TEF: variants seen among roughly 807,000 people sequenced by gnomAD.
TEF encodes TEF transcription factor, PAR bZIP family member, also known as thyrotroph embryonic factor.
TEF carries 3 observed loss-of-function variants against 20.8 expected under a neutral mutation model. The observed-to-expected ratio is 0.14, with a 90% CI of 0.07 to 0.37. The LOEUF (loss-of-function observed/expected upper bound fraction) is 0.37, where lower values mean the gene tolerates loss of function less well. Ranked by LOEUF, TEF falls within the 10% of genes least tolerant of loss-of-function variation. The probability of loss-of-function intolerance (pLI) is 1.00; values close to 1 mark genes in which losing one functional copy is unlikely to be tolerated. For synonymous variants in TEF, 180 were observed against 171.1 expected, an observed-to-expected ratio of 1.05 and a Z score of -0.41; for missense variants, 296 against 397.9, an observed-to-expected ratio of 0.74 and a Z score of 2.18.
At chr22:41,371,196 C>T (rs2036878875) in intron 1 of TEF, among the ~76,000 whole-genome samples, 1 of 152,206 alleles carries the variant, frequency 6.6e-6, no homozygotes, top group Non-Finnish European at 1.5e-5. Flanking sequence ...CATTTTATAC[C>T]CTATACTTCC....
Position 41,397,273 on chromosome 22 carries a change from C to T in TEF, c.*1313C>T. 5.0e-6 allele frequency: 2 copies of T among 397,182 alleles called. No individual in the cohort carries two copies. Among genetic ancestry groups the T allele is most frequent in the South Asian group, 1.4e-4 (1 of 6,998 alleles). 24.6% of individuals were successfully genotyped at this position (397,182 alleles called of 1,614,324 possible). A position where few individuals can be genotyped will look rare whatever the true frequency, so the allele number is the denominator to read the frequency against. On this transcript the variant is annotated 3_prime_UTR_variant, in exon 4 of 4. Coordinates refer to ENST00000266304, the MANE Select transcript of TEF (RefSeq NM_003216.4). The stretch of plus-strand genomic sequence containing the variant: ...TGGCTTCTCACAGCTGTGGTCTCCC[C>T]TGCCTCACAACGACTCCTTTCTCTT...
exon 1 of TEF, chr22:41,367,485 C>G: frequency 6.5e-7 from 1 of 1,538,366 alleles, no homozygotes; most frequent in East Asian, 2.5e-5. Context: ...GAGCAAGCAC[C>G]TCCTGCTGGG....
At chr22:41,369,435 G>A (rs2036854852) in intron 1 of TEF, among the ~76,000 whole-genome samples, 1 of 152,124 alleles carries the variant, frequency 6.6e-6, no homozygotes, top group Non-Finnish European at 1.5e-5. Flanking sequence ...CACTTCATGT[G>A]GCATCTCACT....
chr22:41,375,008 CA>C (rs2036923509), intron 1 of TEF, among the ~76,000 whole-genome samples: 1 of 152,160 alleles, frequency 6.6e-6, no homozygotes, highest in Non-Finnish European at 1.5e-5. Flanking sequence ...GAGTCAGCCC[CA>C]GGGGGTCTGG....
intron 1 of TEF, among the ~76,000 whole-genome samples, chr22:41,375,191 T>C (rs1018583345): frequency 6.6e-6 from 1 of 152,136 alleles, no homozygotes; most frequent in African/African-American, 2.4e-5. Context: ...GCGGACAGAA[T>C]GCAAGACAAA....
In TEF at chr22:41,395,903, G is replaced by A; in HGVS notation, c.855G>A (p.Glu285=). Residue 285 remains glutamate (E), a synonymous_variant, in exon 4 of 4, where the codon GAG becomes GAA. Coordinates refer to ENST00000266304, the MANE Select transcript of TEF (RefSeq NM_003216.4). ...CGGAGGTGGCCGAGCTACGCAAGGAGGTGGGCAAGTGCAAGACCATCGTGT... is the reference window on the plus strand; with the variant it reads ...CGGAGGTGGCCGAGCTACGCAAGGAAGTGGGCAAGTGCAAGACCATCGTGT... ...LRTEVAELRK[E]VGKCKTIVSK... 6.2e-7 allele frequency: 1 copy of A among 1,614,182 alleles called. No individual in the cohort carries two copies. The highest frequency in any genetic ancestry group is 1.1e-5 in the South Asian group (1 of 91,090).
At chr22:41,376,985 T>C (rs201057384), upstream of TEF, among the ~76,000 whole-genome samples, 1 of 152,156 alleles carries the variant, frequency 6.6e-6, no homozygotes, top group Non-Finnish European at 1.5e-5. Context: ...AAGAAACCAG[T>C]GTGGTCTTGT....
chr22:41,381,806 C>A, upstream of TEF: 1 of 1,061,900 alleles, frequency 9.4e-7, no homozygotes. Context: ...TCTGCGCCTG[C>A]CCCTCTCGCA....
intron 2 of TEF, among the ~76,000 whole-genome samples, chr22:41,389,093 A>C (rs1601822748): frequency 6.6e-6 from 1 of 152,244 alleles, no homozygotes; most frequent in Non-Finnish European, 1.5e-5. Context: ...AGATTTCCAA[A>C]GTTGTCTCAT....
At chr22:41,375,207 A>G (rs1264393938) in intron 1 of TEF, among the ~76,000 whole-genome samples, 1 of 152,176 alleles carries the variant, frequency 6.6e-6, no homozygotes, top group Non-Finnish European at 1.5e-5. Context: ...ACAAACAGGA[A>G]ACTAGCACTT....
intron 1 of TEF, among the ~76,000 whole-genome samples, chr22:41,375,096 G>A (rs1003890334): frequency 5.9e-5 from 9 of 152,198 alleles, no homozygotes; most frequent in Non-Finnish European, 8.8e-5. Flanking sequence ...TGGCTTCTGA[G>A]ACATCACACA....
intron 2 of TEF, 60 bp downstream of exon 2, chr22:41,387,728 T>C (rs939940484): frequency 1.7e-5 from 25 of 1,498,412 alleles, no homozygotes; most frequent in Non-Finnish European, 2.3e-5. Context: ...CATTTCCCAC[T>C]GAGGGCTGCT....
At chr22:41,384,992 T>G (rs2037079578) in intron 1 of TEF, among the ~76,000 whole-genome samples, 2 of 151,892 alleles carry the variant, frequency 1.3e-5, no homozygotes, top group Non-Finnish European at 2.9e-5. Flanking sequence ...TGACCTCAGG[T>G]GATTTGCCCG....
At chr22:41,388,323 C>T (rs539910337) in intron 2 of TEF, among the ~76,000 whole-genome samples, 27 of 151,966 alleles carry the variant, frequency 1.8e-4, no homozygotes, top group East Asian at 1.7e-3. Flanking sequence ...TTAGTAGAGA[C>T]GGGGTTTTGC....
chr22:41,387,470 T>A lies in TEF; in HGVS notation c.277T>A (p.Ser93Thr). The change falls in exon 2 of 4, where the codon TCT (serine) becomes ACT (threonine). Residue 93 changes from serine to threonine, a missense_variant. Physicochemically the swap from Ser to Thr is moderately conservative, Grantham distance 58 (BLOSUM62 1). Transcript: ENST00000266304. ...CAAGACCATCCCATATGATGGCGAATCTTTCCACCTGGAGTACATGGACCT... is the reference window on the plus strand; with the variant it reads ...CAAGACCATCCCATATGATGGCGAAACTTTCCACCTGGAGTACATGGACCT... ...WDKTIPYDGE[S>T]FHLEYMDLDE... is the part of the protein sequence containing the mutation. 6.2e-7 allele frequency: 1 copy of A among 1,614,208 alleles called. No homozygotes were observed. Among genetic ancestry groups the A allele is most frequent in the East Asian group, 2.2e-5 (1 of 44,888 alleles).
At chr22:41,392,468 GA>G (rs1450764132) in intron 2 of TEF, among the ~76,000 whole-genome samples, 1 of 149,394 alleles carries the variant, frequency 6.7e-6, no homozygotes, top group African/African-American at 2.5e-5. Flanking sequence ...CAAGTCAGGA[GA>G]TTGAGACCAT....
chr22:41,392,856 G>A, intron 2 of TEF, among the ~76,000 whole-genome samples: 1 of 151,390 alleles, frequency 6.6e-6, no homozygotes, highest in African/African-American at 2.4e-5. Flanking sequence ...GGCCAACATG[G>A]TGAAACCCTG....
At chr22:41,383,035 A>G (rs1257627502) in intron 1 of TEF, 2 of 470,902 alleles carry the variant, frequency 4.2e-6, no homozygotes, top group African/African-American at 4.0e-5. Context: ...AGGGAGCAGC[A>G]GGAGGGCCGC....
Position 41,382,076 on chromosome 22 carries a change from C to G in TEF, c.32C>G (p.Pro11Arg), listed in dbSNP as rs1206643929. 1 of 1,231,706 alleles carries G rather than the reference C, an allele frequency of 8.1e-7. No homozygotes were observed. The highest frequency in any genetic ancestry group is 1.0e-6 in the Non-Finnish European group (1 of 987,752). The allele number at this position is 1,231,706 out of a possible 1,614,324, so 76.3% of individuals were successfully genotyped here. Residue 11 changes from proline (P) to arginine (R), a missense_variant, in exon 1 of 4, where the codon CCT becomes CGT. By Grantham distance (103) the Pro-to-Arg change is moderately radical. Around this residue, in one of 2 missense-constraint regions of TEF, gnomAD observed 102 missense variants for 80.1 expected, o/e 1.27. Coordinates refer to ENST00000266304, the MANE Select transcript of TEF (RefSeq NM_003216.4). Reference protein sequence around the residue: MSDAGGGKKPPVDPQAGPGPG... With the variant: MSDAGGGKKPRVDPQAGPGPG... ...GACGCGGGCGGCGGAAAGAAGCCGC[C>G]TGTGGACCCGCAGGCAGGACCCGGT...
Sources: gnomAD v4.1 joint callset for allele counts (sites outside exome capture counted in the v4.1 genomes callset) on GRCh38, gnomAD v4.1.1 for gene constraint, gnomAD v4.1.1 regional missense constraint, MANE v1.5 for transcripts, NCBI Gene and HGNC (gene_info 2026-07-23, HGNC 2026-07-21) for gene names.